NPAS2: variants seen among roughly 807,000 people sequenced by gnomAD.
The protein encoded by NPAS2 is neuronal PAS domain protein 2.
A neutral mutation model predicts 107.5 loss-of-function variants in NPAS2; 23 were observed. The observed-to-expected ratio is 0.21, with a 90% confidence interval of 0.15 to 0.30. The LOEUF is 0.30. Ranked by LOEUF, NPAS2 falls within the 10% of genes least tolerant of loss-of-function variation. The pLI is 1.00. For synonymous variants in NPAS2, 403 were observed against 417.5 expected, an observed-to-expected ratio of 0.97 and a Z score of 0.42; for missense variants, 756 against 1,043.3, an observed-to-expected ratio of 0.72 and a Z score of 3.79.
chr2:100,914,543 G>A (rs1055496851), intron 2 of NPAS2, among the ~76,000 whole-genome samples: 5 of 152,162 alleles, frequency 3.3e-5, no homozygotes, highest in Non-Finnish European at 5.9e-5. Flanking sequence ...TGCCCAGTTC[G>A]TCTGTCATTC....
At chr2:100,828,490 A>G (rs1481642753) in intron 1 of NPAS2, among the ~76,000 whole-genome samples, 1 of 152,088 alleles carries the variant, frequency 6.6e-6, no homozygotes, top group Non-Finnish European at 1.5e-5. Flanking sequence ...GTCCAGACTG[A>G]TGTTTCCTAG....
At chr2:100,840,322 A>G (rs922272805) in intron 1 of NPAS2, among the ~76,000 whole-genome samples, 13 of 152,174 alleles carry the variant, frequency 8.5e-5, no homozygotes, top group African/African-American at 2.9e-4. Flanking sequence ...CGAAGACTGT[A>G]GGTTCCCGGG....
At chr2:100,982,421 G>C (rs905749221) in intron 16 of NPAS2, 44 bp downstream of exon 16, 2 of 1,602,588 alleles carry the variant, frequency 1.2e-6, no homozygotes, top group Non-Finnish European at 1.7e-6. Context: ...CTGCTGTGTG[G>C]GAAGGGGTCC....
chr2:100,957,991 C>T (rs1675682716), intron 7 of NPAS2, among the ~76,000 whole-genome samples: 1 of 152,180 alleles, frequency 6.6e-6, no homozygotes, highest in Non-Finnish European at 1.5e-5. Context: ...TGAAAGATAA[C>T]TTCATGCAAG....
chr2:100,932,512 G>C (rs971229372), intron 3 of NPAS2, among the ~76,000 whole-genome samples: 3 of 151,688 alleles, frequency 2.0e-5, no homozygotes, highest in Non-Finnish European at 2.9e-5. Flanking sequence ...GAAGTGTTTT[G>C]CTTCACCTGG....
chr2:100,907,778 C>T (rs904782336), intron 2 of NPAS2, among the ~76,000 whole-genome samples: 10 of 152,106 alleles, frequency 6.6e-5, no homozygotes, highest in East Asian at 1.9e-4. Flanking sequence ...AACAAGGGCA[C>T]GGTTCCACTT....
intron 1 of NPAS2, among the ~76,000 whole-genome samples, chr2:100,873,307 T>TATATACACACACAC (rs1280164445): frequency 1.9e-4 from 8 of 41,900 alleles, no homozygotes; most frequent in East Asian, 1.5e-3. Context: ...TATATATATA[T>TATATACACACACAC]ACACACACAC....
intron 1 of NPAS2, among the ~76,000 whole-genome samples, chr2:100,895,529 C>CTAA (rs1681355897): frequency 6.6e-6 from 1 of 152,230 alleles, no homozygotes; most frequent in South Asian, 2.1e-4. Flanking sequence ...CCCAGGAACT[C>CTAA]TGACACCCAG....
At chr2:100,904,851 T>C in intron 2 of NPAS2, 65 bp downstream of exon 2, 1 of 1,212,752 alleles carries the variant, frequency 8.2e-7, no homozygotes, top group Non-Finnish European at 1.2e-6. Context: ...CCTGGCAGAA[T>C]CTCGCTGGCT....
intron 5 of NPAS2, among the ~76,000 whole-genome samples, chr2:100,946,949 A>T (rs1022308706): frequency 3.9e-4 from 60 of 152,162 alleles, no homozygotes; most frequent in Non-Finnish European, 5.9e-5. Context: ...GTTGATGGAG[A>T]TGCAAACACA....
intron 7 of NPAS2, among the ~76,000 whole-genome samples, chr2:100,959,100 A>C (rs2309939): frequency 0.36 from 51,332 of 143,608 alleles, 9,780 homozygotes; most frequent in Middle Eastern, 0.51. Context: ...AAAAAAAAAA[A>C]AAAAAAAAAC....
At chr2:100,978,413 A>C (rs893345712) in intron 15 of NPAS2, among the ~76,000 whole-genome samples, 1 of 152,124 alleles carries the variant, frequency 6.6e-6, no homozygotes, top group African/African-American at 2.4e-5. Flanking sequence ...TTACGACTCC[A>C]AATTGGCCAT....
intron 1 of NPAS2, among the ~76,000 whole-genome samples, chr2:100,888,249 A>G (rs1320150190): frequency 6.6e-6 from 1 of 152,190 alleles, no homozygotes; most frequent in African/African-American, 2.4e-5. Context: ...TAAGAACATC[A>G]GCCACTTGCA....
chr2:100,923,959 AG>A (rs1683402879), intron 2 of NPAS2, among the ~76,000 whole-genome samples: 2 of 152,174 alleles, frequency 1.3e-5, no homozygotes. Flanking sequence ...CAAGTTCCTG[AG>A]GATCTCAGGG....
intron 2 of NPAS2, among the ~76,000 whole-genome samples, chr2:100,911,823 G>T (rs1236244979): frequency 6.6e-6 from 1 of 152,092 alleles, no homozygotes; most frequent in Admixed American, 6.6e-5. Flanking sequence ...GTGGAGATGG[G>T]GTTTCACCGT....
intron 11 of NPAS2, among the ~76,000 whole-genome samples, chr2:100,970,018 CG>C (rs1676446880): frequency 2.0e-5 from 3 of 152,202 alleles, no homozygotes; most frequent in Admixed American, 2.0e-4. Context: ...TTCCTTAACA[CG>C]CAGAAGAGGG....
chr2:100,949,134 C>A (rs1371539313), intron 6 of NPAS2, among the ~76,000 whole-genome samples: 1 of 152,198 alleles, frequency 6.6e-6, no homozygotes, highest in Non-Finnish European at 1.5e-5. Flanking sequence ...CATCTGGGAG[C>A]AAATTAAGAC....
chr2:100,889,653 T>C (rs1172039993), intron 1 of NPAS2, among the ~76,000 whole-genome samples: 1 of 152,130 alleles, frequency 6.6e-6, no homozygotes, highest in Non-Finnish European at 1.5e-5. Flanking sequence ...GATTAGGATC[T>C]AGTTTTATCA....
chr2:100,963,377 TTC>T (rs773799560), intron 7 of NPAS2, among the ~76,000 whole-genome samples: 5 of 152,058 alleles, frequency 3.3e-5, no homozygotes, highest in Non-Finnish European at 5.9e-5. Context: ...TGAGGCTGTC[TTC>T]TCTTTTTTTT....
Sources: allele counts gnomAD v4.1 joint callset (sites outside exome capture counted in the v4.1 genomes callset), GRCh38; gene constraint gnomAD v4.1.1; transcripts MANE v1.5; gene names NCBI Gene and HGNC (gene_info 2026-07-23, HGNC 2026-07-21).